Variants in CSGALNACT1 observed in about 807,000 individuals in gnomAD.
The protein encoded by CSGALNACT1 is chondroitin sulfate N-acetylgalactosaminyltransferase 1.
Under a neutral mutation model 51.0 loss-of-function variants are expected in CSGALNACT1, and 52 were observed. That is an observed-to-expected ratio of 1.02 (90% CI 0.82 to 1.29). The LOEUF (loss-of-function observed/expected upper bound fraction) is 1.29. Among genes scored for constraint, CSGALNACT1 ranks in the 50% most tolerant of loss-of-function variants. The pLI, the probability that CSGALNACT1 is intolerant of heterozygous loss-of-function variation, is 0.00. For synonymous variants in CSGALNACT1, 341 were observed against 254.4 expected, an observed-to-expected ratio of 1.34 and a Z score of -3.24; for missense variants, 935 against 679.2, an observed-to-expected ratio of 1.38 and a Z score of -4.19.
chr8:19,685,717 T>C (rs1405035789), upstream of CSGALNACT1, among the ~76,000 whole-genome samples: 1 of 152,148 alleles, frequency 6.6e-6, no homozygotes, highest in Non-Finnish European at 1.5e-5. Flanking sequence ...TCAGTACAGA[T>C]CCTGCTTCTA....
intron 2 of CSGALNACT1, among the ~76,000 whole-genome samples, chr8:19,591,872 CTATAT>C (rs953099773): frequency 6.6e-6 from 1 of 151,962 alleles, no homozygotes; most frequent in African/African-American, 2.4e-5. Flanking sequence ...ACAGTATTTG[CTATAT>C]TATAGTATTT....
intron 1 of CSGALNACT1, among the ~76,000 whole-genome samples, chr8:19,739,336 C>T (rs1283199436): frequency 6.6e-6 from 1 of 152,108 alleles, no homozygotes; most frequent in African/African-American, 2.4e-5. Flanking sequence ...CTTCCTGCTG[C>T]ATCCCCAGCT....
At chr8:19,631,188 A>T (rs538813879) in intron 1 of CSGALNACT1, among the ~76,000 whole-genome samples, 1 of 152,152 alleles carries the variant, frequency 6.6e-6, no homozygotes, top group Admixed American at 6.5e-5. Context: ...GTGTGCACCT[A>T]AGTTTTCAAC....
chr8:19,573,039 A>C (rs1458955848), intron 3 of CSGALNACT1, among the ~76,000 whole-genome samples: 1 of 152,230 alleles, frequency 6.6e-6, no homozygotes, highest in East Asian at 1.9e-4. Context: ...ACAGGGGACA[A>C]AGGATGAAAT....
At chr8:19,741,480 T>C (rs540369121) in intron 1 of CSGALNACT1, among the ~76,000 whole-genome samples, 183 of 150,756 alleles carry the variant, frequency 1.2e-3, no homozygotes, top group South Asian at 0.01. Flanking sequence ...GAAGAATCGC[T>C]TGAAGCCGGG....
intron 1 of CSGALNACT1, among the ~76,000 whole-genome samples, chr8:19,718,601 A>G (rs976785033): frequency 6.6e-6 from 1 of 152,154 alleles, no homozygotes; most frequent in East Asian, 1.9e-4. Flanking sequence ...ATTATATGCA[A>G]TGCTTTCCCA....
rs1409858082 is a variant in CSGALNACT1, at chr8:19,442,415, T to C, written c.852-2484A>G. Among the ~76,000 whole-genome samples the C allele has an allele frequency of 3.9e-5, 6 of 152,086 alleles. No homozygotes were observed. In the East Asian group the frequency reaches 9.6e-4, roughly 24 times the overall value. On this transcript the variant is annotated intron_variant, in intron 5 of 9. Coordinates refer to ENST00000454498, the Ensembl canonical transcript of CSGALNACT1. ...TAAAAAAATGAAGAGCTCATGTCCT[T>C]TGTAGGGACATGGATGAAACTGGAA... is the stretch of plus-strand genomic sequence containing the variant.
chr8:19,587,874 A>G (rs952756637), intron 3 of CSGALNACT1: 4 of 152,202 alleles, frequency 2.6e-5, no homozygotes, highest in Non-Finnish European at 4.4e-5. Flanking sequence ...TATTTGTGAT[A>G]CCTTTGTGAT....
intron 3 of CSGALNACT1, among the ~76,000 whole-genome samples, chr8:19,512,105 G>C (rs775561698): frequency 4.6e-5 from 7 of 152,156 alleles, no homozygotes; most frequent in African/African-American, 1.7e-4. Context: ...CAGAAGAAGT[G>C]GTATGGCATT....
chr8:19,727,941 T>G lies in CSGALNACT1; in HGVS notation c.-297+29909A>C, dbSNP rs2063491927. 2.0e-5 allele frequency among the ~76,000 whole-genome samples: 3 copies of G among 152,200 alleles called. No individual in the cohort carries two copies. In the South Asian group the frequency reaches 6.2e-4, roughly 31 times the overall value. On this transcript the variant is annotated intron_variant, in intron 1 of 1. Transcript: ENST00000517494. ...TTCCTTAAACAACTAAAATTATTGC[T>G]GAGTCTCTTTAAGAGACTAGCCTTA...
intron 3 of CSGALNACT1, among the ~76,000 whole-genome samples, chr8:19,572,205 T>C (rs9692698): frequency 0.21 from 31,529 of 152,058 alleles, 5,831 homozygotes; most frequent in African/African-American, 0.5. Flanking sequence ...CTCCTCAACC[T>C]GTAACACCAG....
At chr8:19,501,164 C>T (rs540040650) in intron 4 of CSGALNACT1, among the ~76,000 whole-genome samples, 3 of 148,694 alleles carry the variant, frequency 2.0e-5, no homozygotes, top group African/African-American at 7.4e-5. Context: ...GCAGGAGAAT[C>T]CCCCGAAACT....
intron 3 of CSGALNACT1, among the ~76,000 whole-genome samples, chr8:19,545,268 G>A (rs187932727): frequency 6.6e-6 from 1 of 152,060 alleles, no homozygotes; most frequent in Admixed American, 6.6e-5. Flanking sequence ...ATGTCCTTGT[G>A]GTTGAGCAGA....
intron 1 of CSGALNACT1, among the ~76,000 whole-genome samples, chr8:19,679,825 C>A (rs996568671): frequency 6.6e-6 from 1 of 152,150 alleles, no homozygotes; most frequent in Non-Finnish European, 1.5e-5. Flanking sequence ...ACTTTACCTG[C>A]GGCTTTATAG....
intron 1 of CSGALNACT1, among the ~76,000 whole-genome samples, chr8:19,659,524 TC>T (rs2058584980): frequency 6.6e-6 from 1 of 152,148 alleles, no homozygotes; most frequent in African/African-American, 2.4e-5. Context: ...GTCATATGAA[TC>T]CCCCAGAGTT....
At chr8:19,600,600 T>C (rs966759887) in intron 2 of CSGALNACT1, among the ~76,000 whole-genome samples, 4 of 152,218 alleles carry the variant, frequency 2.6e-5, no homozygotes, top group African/African-American at 9.6e-5. Context: ...CTTGACTTTC[T>C]ACTTAGGAAA....
chr8:19,484,002 G>T (rs888103440), intron 4 of CSGALNACT1, among the ~76,000 whole-genome samples: 1 of 152,112 alleles, frequency 6.6e-6, no homozygotes, highest in African/African-American at 2.4e-5. Flanking sequence ...ATCCTGTCCA[G>T]GATGTGAATC....
intron 1 of CSGALNACT1, among the ~76,000 whole-genome samples, chr8:19,713,771 C>A (rs566979365): frequency 7.5e-4 from 114 of 152,278 alleles, no homozygotes; most frequent in African/African-American, 2.7e-3. Context: ...AGACATCCAG[C>A]CTCGAGATCT....
chr8:19,435,397 G>A (rs2060229011), intron 6 of CSGALNACT1, among the ~76,000 whole-genome samples: 1 of 151,838 alleles, frequency 6.6e-6, no homozygotes, highest in Non-Finnish European at 1.5e-5. Flanking sequence ...GGAGGCTGAG[G>A]CAGGAGAATT....
Sources: allele counts gnomAD v4.1 joint callset (sites outside exome capture counted in the v4.1 genomes callset), GRCh38; gene constraint gnomAD v4.1.1; transcripts MANE v1.5; gene names NCBI Gene and HGNC (gene_info 2026-07-23, HGNC 2026-07-21).